Variants in COL13A1 observed in about 807,000 individuals in gnomAD.
COL13A1 encodes the protein collagen alpha-1(XIII) chain.
COL13A1 carries 89 observed loss-of-function variants against 130.9 expected under a neutral mutation model. The observed-to-expected ratio is 0.68, with a 90% CI of 0.57 to 0.81. COL13A1 has a LOEUF of 0.81. Among genes scored for constraint, COL13A1 ranks in the 30% least tolerant of loss-of-function variants. The probability of loss-of-function intolerance (pLI) is 0.00; values close to 1 mark genes in which losing one functional copy is unlikely to be tolerated. For synonymous variants in COL13A1, 402 were observed against 341.6 expected (o/e 1.18, Z -1.95); for missense variants, 879 against 934.6 (o/e 0.94, Z 0.78).
intron 1 of COL13A1, among the ~76,000 whole-genome samples, chr10:69,811,962 C>T (rs1184737685): frequency 1.3e-5 from 2 of 152,130 alleles, no homozygotes; most frequent in Admixed American, 6.5e-5. Context: ...CAGACCTGTC[C>T]TCTCCTCTCC....
rs2071308788 is a variant in COL13A1 at position 69,958,810 on chromosome 10, A to G, written c.*109A>G. ...AGAAGTATGATGCATCTTACAGATT[A>G]TTAAAAAAGAAAGAAAAACCTGCAT... On this transcript the variant is annotated 3_prime_UTR_variant, in exon 41 of 41. Transcript: ENST00000645393. The G allele has an allele frequency of 2.1e-6, 3 of 1,444,144 alleles. No homozygotes were observed. Among genetic ancestry groups the G allele is most frequent in the Non-Finnish European group, 1.9e-6 (2 of 1,063,364 alleles). 89.5% of individuals were successfully genotyped at this position (1,444,144 alleles called of 1,614,324 possible).
intron 2 of COL13A1, among the ~76,000 whole-genome samples, chr10:69,860,164 G>C (rs1222555996): frequency 6.6e-6 from 1 of 152,130 alleles, no homozygotes; most frequent in South Asian, 2.1e-4. Flanking sequence ...AGTAGACGCA[G>C]TGACCAGCAG....
At chr10:69,870,086 C>T (rs1025737106) in intron 3 of COL13A1, among the ~76,000 whole-genome samples, 1 of 152,164 alleles carries the variant, frequency 6.6e-6, no homozygotes, top group Non-Finnish European at 1.5e-5. Flanking sequence ...CCTCTCTCTG[C>T]CTCAGTCCCC....
At chr10:69,880,588 G>A (rs1397027250) in intron 7 of COL13A1, 35 bp downstream of exon 7, 2 of 1,609,814 alleles carry the variant, frequency 1.2e-6, no homozygotes, top group Admixed American at 1.7e-5. Context: ...GGGTGTTGGG[G>A]GGATGGGTGA....
chr10:69,914,779 T>C (rs1438277577), intron 17 of COL13A1, among the ~76,000 whole-genome samples: 1 of 152,206 alleles, frequency 6.6e-6, no homozygotes, highest in Non-Finnish European at 1.5e-5. Context: ...TGAGAGGGCT[T>C]GGAGACCGCT....
At chr10:69,905,658 T>C in intron 16 of COL13A1, 129 bp from the exon 17 acceptor site, 4 of 939,714 alleles carry the variant, frequency 4.3e-6, no homozygotes, top group Non-Finnish European at 6.8e-6. Flanking sequence ...AGGCTGGAGA[T>C]GGGTGTTGAA....
chr10:69,918,403 G>C, intron 19 of COL13A1, 86 bp downstream of exon 19: 3 of 1,368,034 alleles, frequency 2.2e-6, no homozygotes, highest in Non-Finnish European at 3.1e-6. Context: ...ACTCAGTGGG[G>C]TGGCTGCCAG....
chr10:69,898,412 C>T (rs1022330957), intron 13 of COL13A1, among the ~76,000 whole-genome samples: 2 of 152,242 alleles, frequency 1.3e-5, no homozygotes, highest in Non-Finnish European at 2.9e-5. Context: ...ACATCCCAAA[C>T]TCTGACCTGG....
At chr10:69,925,286 C>T (rs2065205160) in intron 25 of COL13A1, among the ~76,000 whole-genome samples, 1 of 152,210 alleles carries the variant, frequency 6.6e-6, no homozygotes, top group Admixed American at 6.5e-5. Context: ...ATTAGTCTCA[C>T]GCTCAGTAAA....
At chr10:69,811,179 C>T (rs1447267312) in intron 1 of COL13A1, among the ~76,000 whole-genome samples, 2 of 152,222 alleles carry the variant, frequency 1.3e-5, no homozygotes, top group Non-Finnish European at 2.9e-5. Context: ...CAGGCATTTC[C>T]CTCTGCCCAC....
rs2064854618 is a variant in COL13A1 at position 69,922,799 on chromosome 10, G to A, written c.1230+5G>A. 2 of 1,566,018 alleles carry A rather than the reference G, an allele frequency of 1.3e-6. No homozygotes were observed. Among genetic ancestry groups the A allele is most frequent in the African/African-American group, 1.4e-5 (1 of 73,864 alleles). The stretch of plus-strand genomic sequence containing the variant: ...CCTGGGCCCCCAGGGCCAAAGGTGA[G>A]TGTTCCCTGGAATTGGTGTTGGGGA... On this transcript the variant is annotated splice_donor_5th_base_variant and intron_variant, in intron 23 of 40. Coordinates refer to ENST00000645393, the MANE Select transcript of COL13A1 (RefSeq NM_001368882.1).
intron 2 of COL13A1, among the ~76,000 whole-genome samples, chr10:69,825,521 T>C (rs1847263099): frequency 6.6e-6 from 1 of 152,210 alleles, no homozygotes; most frequent in Non-Finnish European, 1.5e-5. Flanking sequence ...CCCTCTGCCA[T>C]CTGATTGGTT....
chr10:69,873,513 A>G (rs2763358), intron 4 of COL13A1, among the ~76,000 whole-genome samples: 143,207 of 152,268 alleles, frequency 0.94, 67,984 homozygotes, highest in East Asian at 1. Flanking sequence ...TGACAGAGCA[A>G]GGGCTGCTGC....
chr10:69,824,310 T>C (rs1166646057), intron 2 of COL13A1, among the ~76,000 whole-genome samples: 2 of 152,254 alleles, frequency 1.3e-5, no homozygotes, highest in Non-Finnish European at 2.9e-5. Flanking sequence ...AAATGCCATG[T>C]CCTAGTGTTG....
At chr10:69,821,490 G>A (rs1846065748) in intron 1 of COL13A1, among the ~76,000 whole-genome samples, 1 of 152,216 alleles carries the variant, frequency 6.6e-6, no homozygotes, top group African/African-American at 2.4e-5. Flanking sequence ...TGGGTATCAG[G>A]TGCCATTCTT....
intron 3 of COL13A1, among the ~76,000 whole-genome samples, chr10:69,869,660 C>G (rs1412259493): frequency 6.6e-6 from 1 of 152,188 alleles, no homozygotes; most frequent in Non-Finnish European, 1.5e-5. Flanking sequence ...CCATCATGCC[C>G]CTGGCAGACA....
At chr10:69,900,453 A>T (rs2062074106) in intron 14 of COL13A1, among the ~76,000 whole-genome samples, 1 of 152,214 alleles carries the variant, frequency 6.6e-6, no homozygotes, top group Admixed American at 6.5e-5. Context: ...GTGAAGCCAG[A>T]ACTTTCTGTG....
At chr10:69,955,242 A>G (rs4746938) in intron 39 of COL13A1, 43,005 of 152,230 alleles carry the variant, frequency 0.28, 6,440 homozygotes, top group East Asian at 0.39. Flanking sequence ...AGGCAACAAA[A>G]GGAGAGTGCA....
chr10:69,836,882 T>C (rs1850216554), intron 2 of COL13A1, among the ~76,000 whole-genome samples: 1 of 140,476 alleles, frequency 7.1e-6, no homozygotes, highest in African/African-American at 2.6e-5. Context: ...CAGCAGGCGG[T>C]GGGGGTATAA....
Sources: allele counts gnomAD v4.1 joint callset (sites outside exome capture counted in the v4.1 genomes callset), GRCh38; gene constraint gnomAD v4.1.1; transcripts MANE v1.5; gene names NCBI Gene and HGNC (gene_info 2026-07-23, HGNC 2026-07-21).